GSE1: variants seen among roughly 807,000 people sequenced by gnomAD.
GSE1 encodes the protein genetic suppressor element 1.
In GSE1, 32 loss-of-function variants were observed where a neutral mutation model predicts 112.6. The ratio of observed to expected loss-of-function variants is 0.28; its 90% CI spans 0.21 to 0.38. The LOEUF (loss-of-function observed/expected upper bound fraction) is 0.38. Among genes scored for constraint, GSE1 ranks in the 10% least tolerant of loss-of-function variants. The pLI is 1.00. For synonymous variants in GSE1, 1,115 were observed against 735.6 expected, an observed-to-expected ratio of 1.52 and a Z score of -8.35; for missense variants, 2,348 against 1,699.2, an observed-to-expected ratio of 1.38 and a Z score of -6.71.
At chr16:85,403,613 A>T (rs11643301) in intron 2 of GSE1, among the ~76,000 whole-genome samples, 1 of 151,924 alleles carries the variant, frequency 6.6e-6, no homozygotes, top group Non-Finnish European at 1.5e-5. Context: ...AACATAGTGA[A>T]ACCCTGTCTC....
At chr16:85,366,579 A>G (rs2047190182) in intron 2 of GSE1, among the ~76,000 whole-genome samples, 1 of 152,138 alleles carries the variant, frequency 6.6e-6, no homozygotes, top group South Asian at 2.1e-4. Context: ...CTCTTGGAAT[A>G]TTTAGCAGGG....
chr16:85,235,232 A>T (rs1904469632), intron 1 of GSE1, among the ~76,000 whole-genome samples: 1 of 151,836 alleles, frequency 6.6e-6, no homozygotes, highest in Non-Finnish European at 1.5e-5. Context: ...ACAAAATCAG[A>T]ACAAGCTCCC....
chr16:85,226,913 C>T (rs921670720), intron 1 of GSE1, among the ~76,000 whole-genome samples: 5 of 151,820 alleles, frequency 3.3e-5, no homozygotes, highest in Non-Finnish European at 4.4e-5. Flanking sequence ...TCATCTGGCC[C>T]GAAAACTGAG....
At chr16:85,171,453 G>A in exon 1 of GSE1, 5 of 985,538 alleles carry the variant, frequency 5.1e-6, no homozygotes, top group Non-Finnish European at 6.0e-6. Context: ...CCACCGGCCT[G>A]GTGGCTACCT....
At chr16:85,187,431 AAG>A (rs1384842729) in intron 1 of GSE1, among the ~76,000 whole-genome samples, 1 of 152,172 alleles carries the variant, frequency 6.6e-6, no homozygotes, top group African/African-American at 2.4e-5. Flanking sequence ...GCTCTGGGGG[AAG>A]AGAGAGAAGG....
intron 1 of GSE1, among the ~76,000 whole-genome samples, chr16:85,620,767 C>G (rs1479475992): frequency 6.6e-6 from 1 of 152,022 alleles, no homozygotes; most frequent in African/African-American, 2.4e-5. Flanking sequence ...AGCCCTGGGT[C>G]TCTGCTCTGT....
intron 2 of GSE1, among the ~76,000 whole-genome samples, chr16:85,473,112 C>T (rs1280576583): frequency 6.6e-6 from 1 of 152,262 alleles, no homozygotes; most frequent in Non-Finnish European, 1.5e-5. Flanking sequence ...TGGAGATCAG[C>T]AGGAAGCGGG....
At chr16:85,402,161 T>C (rs1162468503) in intron 2 of GSE1, among the ~76,000 whole-genome samples, 1 of 152,210 alleles carries the variant, frequency 6.6e-6, no homozygotes, top group Non-Finnish European at 1.5e-5. Context: ...ACACTCTGGG[T>C]GCCCTGCGAT....
At chr16:85,602,137 C>T (rs1190849152) in intron 1 of GSE1, among the ~76,000 whole-genome samples, 6 of 152,176 alleles carry the variant, frequency 3.9e-5, no homozygotes, top group South Asian at 2.1e-4. Context: ...GGCAGAAGGC[C>T]GGGCACAGTA....
rs556710100 is a variant in GSE1, at chr16:85,489,814, C to G, written c.2464+132171C>G. The G allele has an allele frequency of 5.2e-5, 8 of 152,404 alleles. 1 individual carries two copies. The highest frequency in any genetic ancestry group is 1.7e-4 in the African/African-American group (7 of 41,582). 9.4% of individuals were successfully genotyped at this position (152,404 alleles called of 1,614,324 possible). A position where few individuals can be genotyped will look rare whatever the true frequency, so the allele number is the denominator to read the frequency against. On this transcript the variant is annotated intron_variant, in intron 2 of 2. Coordinates refer to the GSE1 transcript ENST00000637419. ...CGAGTTGAGATGAGGTCACATGGGACTAGGGTGGGCCCTAAATCCAATCTG... is the reference window on the plus strand; with the variant it reads ...CGAGTTGAGATGAGGTCACATGGGAGTAGGGTGGGCCCTAAATCCAATCTG...
intron 2 of GSE1, among the ~76,000 whole-genome samples, chr16:85,523,660 G>A (rs143610232): frequency 6.2e-4 from 95 of 152,334 alleles, no homozygotes; most frequent in Middle Eastern, 3.4e-3. Flanking sequence ...CCCTCCTCGT[G>A]CCTGCCTCCA....
intron 1 of GSE1, among the ~76,000 whole-genome samples, chr16:85,186,049 C>T (rs762687422): frequency 1.3e-5 from 2 of 152,150 alleles, no homozygotes; most frequent in Non-Finnish European, 2.9e-5. Flanking sequence ...GGCCGGGCAG[C>T]GACATCTGAC....
Position 85,379,110 on chromosome 16 carries a change from C to G in GSE1, c.2464+21467C>G, listed in dbSNP as rs570245809. On this transcript the variant is annotated intron_variant, in intron 2 of 2. Coordinates refer to the GSE1 transcript ENST00000637419. ...GAGCTGCCATCTCCCTGCACTCTCC[C>G]CAGAGAGCTGCTATCTCCCTGGACT... Among the ~76,000 whole-genome samples the G allele has an allele frequency of 2.6e-5, 4 of 152,302 alleles. No individual in the cohort carries two copies. The East Asian group carries it at 7.7e-4, about 29-fold the overall frequency.
chr16:85,401,266 T>G (rs2048108625), intron 2 of GSE1, among the ~76,000 whole-genome samples: 1 of 140,120 alleles, frequency 7.1e-6, no homozygotes, highest in Non-Finnish European at 1.5e-5. Context: ...TGTCAGTAAA[T>G]AAAAAGATTC....
chr16:85,640,036 C>T (rs1415406026), intron 2 of GSE1, among the ~76,000 whole-genome samples: 2 of 152,198 alleles, frequency 1.3e-5, no homozygotes, highest in East Asian at 1.9e-4. Flanking sequence ...AACAGGGTGG[C>T]TCCAGAGCCT....
intron 1 of GSE1, chr16:85,207,963 CAGGCCCG>C (rs994193519): frequency 6.6e-6 from 1 of 152,054 alleles, no homozygotes; most frequent in African/African-American, 2.4e-5. Flanking sequence ...GCCCTGCATC[CAGGCCCG>C]GGTGACCTCA....
At chr16:85,589,729 G>A (rs1182827605) in intron 1 of GSE1, among the ~76,000 whole-genome samples, 2 of 151,814 alleles carry the variant, frequency 1.3e-5, no homozygotes, top group Non-Finnish European at 2.9e-5. Context: ...GAATGTGACT[G>A]TGTGAATGTG....
At chr16:85,362,645 C>G (rs1242501878) in intron 2 of GSE1, among the ~76,000 whole-genome samples, 1 of 152,168 alleles carries the variant, frequency 6.6e-6, no homozygotes, top group Non-Finnish European at 1.5e-5. Flanking sequence ...CCATGCAAGG[C>G]TGTGCAGGTT....
chr16:85,424,315 G>A (rs571554160), intron 2 of GSE1, among the ~76,000 whole-genome samples: 15 of 152,332 alleles, frequency 9.8e-5, no homozygotes, highest in Admixed American at 7.8e-4. Flanking sequence ...TCTTGGCGAC[G>A]GCAGGGTCGC....
Sources: gnomAD v4.1 joint callset for allele counts (sites outside exome capture counted in the v4.1 genomes callset) on GRCh38, gnomAD v4.1.1 for gene constraint, MANE v1.5 for transcripts, NCBI Gene and HGNC (gene_info 2026-07-23, HGNC 2026-07-21) for gene names.